The following MYCBP2 variants were observed in gnomAD, a reference collection of about 807,000 sequenced individuals.
The protein encoded by MYCBP2 is E3 ubiquitin-protein ligase MYCBP2.
A neutral mutation model predicts 525.3 loss-of-function variants in MYCBP2; 120 were observed. That is an observed-to-expected ratio of 0.23 (90% CI 0.20 to 0.27). The LOEUF (loss-of-function observed/expected upper bound fraction) is 0.27, where lower values mean the gene tolerates loss of function less well. Ranked by LOEUF, MYCBP2 falls within the 10% of genes least tolerant of loss-of-function variation. The pLI is 1.00. For missense variants in MYCBP2, 4,149 were observed against 5,657.1 expected (o/e 0.73, Z 8.55); for synonymous variants, 1,894 against 1,955.8 (o/e 0.97, Z 0.83).
At chr13:77,144,322 CAAAT>C (rs1479297240) in intron 49 of MYCBP2, 119 bp downstream of exon 49, 3 of 669,036 alleles carry the variant, frequency 4.5e-6, no homozygotes, top group Non-Finnish European at 7.9e-6. Flanking sequence ...AACAAGGCCT[CAAAT>C]AAGTTATGAA....
chr13:77,208,794 T>C (rs1227576829), intron 23 of MYCBP2, among the ~76,000 whole-genome samples: 1 of 152,192 alleles, frequency 6.6e-6, no homozygotes, highest in African/African-American at 2.4e-5. Context: ...CTTTGTTTTT[T>C]AAAAAATAAC....
chr13:77,117,011 A>G (rs1314215273), intron 55 of MYCBP2, among the ~76,000 whole-genome samples: 24 of 152,130 alleles, frequency 1.6e-4, no homozygotes, highest in Non-Finnish European at 2.9e-5. Flanking sequence ...TTTCTAGTAT[A>G]AATTTTCTAC....
intron 1 of MYCBP2, among the ~76,000 whole-genome samples, chr13:77,310,086 T>C (rs2079984347): frequency 1.3e-5 from 2 of 152,096 alleles, no homozygotes; most frequent in Non-Finnish European, 1.5e-5. Flanking sequence ...CACTCCAGCC[T>C]GGCAACGGAG....
chr13:77,096,080 T>C (rs1357449409), intron 57 of MYCBP2, among the ~76,000 whole-genome samples: 1 of 152,092 alleles, frequency 6.6e-6, no homozygotes, highest in Non-Finnish European at 1.5e-5. Flanking sequence ...TATTTGTCAA[T>C]AAGGCATATG....
intron 1 of MYCBP2, among the ~76,000 whole-genome samples, chr13:77,300,024 C>G (rs545606428): frequency 1.3e-5 from 2 of 152,278 alleles, no homozygotes; most frequent in Non-Finnish European, 2.9e-5. Context: ...CAGCTTATTA[C>G]TGAGTATACT....
chr13:77,292,605 A>G (rs1352664843), intron 2 of MYCBP2, among the ~76,000 whole-genome samples: 1 of 152,182 alleles, frequency 6.6e-6, no homozygotes, highest in Non-Finnish European at 1.5e-5. Context: ...CTACAGTGAC[A>G]GAAAATATAT....
chr13:77,142,564 T>G (rs2054861419), intron 49 of MYCBP2, among the ~76,000 whole-genome samples: 1 of 152,202 alleles, frequency 6.6e-6, no homozygotes, highest in Non-Finnish European at 1.5e-5. Flanking sequence ...AAATATTAAT[T>G]GGTATTATTA....
chr13:77,300,199 T>C (rs1362368531), intron 1 of MYCBP2, among the ~76,000 whole-genome samples: 2 of 152,222 alleles, frequency 1.3e-5, no homozygotes, highest in Non-Finnish European at 2.9e-5. Flanking sequence ...ATGGTTTCAA[T>C]CTTTTGCTTA....
intron 1 of MYCBP2, among the ~76,000 whole-genome samples, chr13:77,297,467 G>A (rs1366669283): frequency 1.3e-5 from 2 of 152,136 alleles, no homozygotes; most frequent in African/African-American, 4.8e-5. Context: ...GAAGTCGGGG[G>A]GAAGAGGGAA....
intron 1 of MYCBP2, among the ~76,000 whole-genome samples, chr13:77,318,184 C>T (rs1395661043): frequency 1.3e-5 from 2 of 152,124 alleles, no homozygotes; most frequent in Admixed American, 6.5e-5. Context: ...GGTTGGCCTG[C>T]TTGAAGGATG....
chr13:77,271,271 G>C (rs1349518034), intron 5 of MYCBP2, among the ~76,000 whole-genome samples: 1 of 151,898 alleles, frequency 6.6e-6, no homozygotes, highest in Non-Finnish European at 1.5e-5. Context: ...ATTTGTTTCT[G>C]AGCTCAAATG....
intron 1 of MYCBP2, among the ~76,000 whole-genome samples, chr13:77,300,723 A>G (rs2078694052): frequency 6.6e-6 from 1 of 152,252 alleles, no homozygotes. Flanking sequence ...TTTTATAAAG[A>G]TAAACTTCTG....
rs1293718147 is a variant in MYCBP2 at position 77,064,754 on chromosome 13, A to C, written c.12553-20T>G. The C allele has an allele frequency of 6.3e-7, 1 of 1,592,564 alleles. No homozygotes were observed. On this transcript the variant is annotated intron_variant, in intron 72 of 82. Coordinates refer to ENST00000544440, the MANE Select transcript of MYCBP2 (RefSeq NM_015057.5). ...ATGACCCTATTGAGCAGAACAGAGT[A>C]TTTTAATAAGTGACCAGAAATGTAT... is the stretch of plus-strand genomic sequence containing the variant.
intron 43 of MYCBP2, among the ~76,000 whole-genome samples, chr13:77,163,846 A>C (rs1416431247): frequency 2.6e-5 from 4 of 152,184 alleles, no homozygotes; most frequent in Non-Finnish European, 5.9e-5. Flanking sequence ...TTCTCAGAGC[A>C]TGCAAAAATC....
intron 26 of MYCBP2, among the ~76,000 whole-genome samples, chr13:77,200,340 G>C (rs144042363): frequency 0.022 from 3,401 of 152,140 alleles, 58 homozygotes; most frequent in Middle Eastern, 0.075. Flanking sequence ...GAAGTTTAGA[G>C]AAAAAAGAAT....
chr13:77,206,878 A>C, intron 23 of MYCBP2, 53 bp from the exon 24 acceptor site: 1 of 1,414,226 alleles, frequency 7.1e-7, no homozygotes, highest in African/African-American at 1.4e-5. Context: ...GTTTTTAAAA[A>C]AAATTCCTAA....
chr13:77,067,891 T>C (rs1380450934), intron 70 of MYCBP2, 27 bp from the exon 71 acceptor site: 13 of 1,510,776 alleles, frequency 8.6e-6, no homozygotes, highest in Non-Finnish European at 1.1e-5. Flanking sequence ...AATGAGAGAA[T>C]TCCATGTAAA....
chr13:77,139,367 G>A (rs1861196600), intron 51 of MYCBP2, 31 bp from the exon 52 acceptor site: 1 of 1,600,784 alleles, frequency 6.2e-7, no homozygotes, highest in African/African-American at 1.3e-5. Flanking sequence ...AACAAGCCAG[G>A]CCTTCCTGTA....
At chr13:77,079,264 A>G (rs1157579181) in intron 65 of MYCBP2, among the ~76,000 whole-genome samples, 3 of 152,202 alleles carry the variant, frequency 2.0e-5, no homozygotes, top group African/African-American at 7.2e-5. Flanking sequence ...GAGGGAAGGT[A>G]ACTGAACTAA....
Sources: gnomAD v4.1 joint callset for allele counts (sites outside exome capture counted in the v4.1 genomes callset) on GRCh38, gnomAD v4.1.1 for gene constraint, MANE v1.5 for transcripts, NCBI Gene and HGNC (gene_info 2026-07-23, HGNC 2026-07-21) for gene names.